INTS14: variants seen among roughly 807,000 people sequenced by gnomAD.
INTS14 encodes the protein UPF0464 protein C15orf44.
A neutral mutation model predicts 56.9 loss-of-function variants in INTS14; 27 were observed. That is an observed-to-expected ratio of 0.47 (90% CI 0.35 to 0.65). The LOEUF (loss-of-function observed/expected upper bound fraction) is 0.65, where lower values mean the gene tolerates loss of function less well. Ranked by LOEUF, INTS14 falls within the 30% of genes least tolerant of loss-of-function variation. The pLI is 0.00. For missense variants in INTS14, 517 were observed against 632.2 expected (o/e 0.82, Z 1.95); for synonymous variants, 207 against 236.2 (o/e 0.88, Z 1.13).
At chr15:65,590,379 T>C (rs1027983005) in intron 9 of INTS14, among the ~76,000 whole-genome samples, 1 of 152,238 alleles carries the variant, frequency 6.6e-6, no homozygotes, top group African/African-American at 2.4e-5. Flanking sequence ...ATTACTCCTC[T>C]TCAGTGGTTT....
Position 65,584,842 on chromosome 15 carries a change from G to T in INTS14, c.1167C>A (p.Phe389Leu). ...PYGEDDNKSP[F>L]PLQPKNKRSY... ...TGCGTTTGTTTTTGGGCTGCAGGGG[G>T]AATGGACTCTTATTGTCATCCTCGC... Residue 389 changes from phenylalanine (F) to leucine (L), a missense_variant, in exon 10 of 12, where the codon TTC (phenylalanine) becomes TTA (leucine). Coordinates refer to ENST00000313182, the MANE Select transcript of INTS14 (RefSeq NM_001394796.1). The T allele has an allele frequency of 1.2e-6, 2 of 1,613,396 alleles. No individual in the cohort carries two copies. Among genetic ancestry groups the T allele is most frequent in the Non-Finnish European group, 1.7e-6 (2 of 1,179,684 alleles).
At chr15:65,610,537 G>A (rs2073874775) in intron 1 of INTS14, 3 of 648,440 alleles carry the variant, frequency 4.6e-6, no homozygotes, top group Admixed American at 5.4e-5. Context: ...ATAGGCCCTA[G>A]CCACCTATTT....
rs966087434 is a variant in INTS14, at chr15:65,611,058, C to T, written c.-63+40G>A. The T allele has an allele frequency of 2.6e-6, 4 of 1,535,432 alleles. No individual in the cohort carries two copies. The African/African-American group carries it at 5.5e-5, about 21-fold the overall frequency. On this transcript the variant is annotated intron_variant, in intron 1 of 11. Transcript: ENST00000313182. ...CCCCTTCACCTGTAACCCCAACAAG[C>T]AGCGAAAGGCAGTCCCGGGCCCTCG...
rs192533427 is a variant in INTS14 at position 65,581,644 on chromosome 15, C to A, written c.1305+310G>T. On this transcript the variant is annotated intron_variant, in intron 11 of 11. Transcript: ENST00000313182. ...TGGTTGCCTGGGGTTGGCCTGGATA[C>A]CCATATAGGAGTGATGAGGAGAGTT... Among the ~76,000 whole-genome samples the A allele has an allele frequency of 5.5e-3, 825 of 151,188 alleles. 2 individuals are homozygous for A. Among genetic ancestry groups the A allele is most frequent in the Non-Finnish European group, 8.4e-3 (571 of 67,918 alleles).
chr15:65,599,120 T>C lies in INTS14; in HGVS notation c.487-130A>G, dbSNP rs555435984. 8.9e-5 allele frequency: 56 copies of C among 627,308 alleles called. 2 individuals carry two copies. The South Asian group carries it at 1.2e-3, about 13-fold the overall frequency. 38.9% of individuals were successfully genotyped at this position (627,308 alleles called of 1,614,324 possible). ...CAGATGATTTTTTTAATAGCCAATG[T>C]GAGAAGAAAATAACAACAACAATTT... On this transcript the variant is annotated intron_variant, in intron 4 of 11. Transcript: ENST00000313182.
Position 65,579,232 on chromosome 15 carries a change from C to A in INTS14, c.*176G>T. ...AGGAAGTTAAAGCCCAACCAGCCAA[C>A]CACCTTCACATCCTTCTCATACTAG... On this transcript the variant is annotated 3_prime_UTR_variant, in exon 12 of 12. Coordinates refer to ENST00000313182, the MANE Select transcript of INTS14 (RefSeq NM_001394796.1). The A allele has an allele frequency of 1.2e-6, 1 of 869,532 alleles. No homozygotes were observed. Among genetic ancestry groups the A allele is most frequent in the East Asian group, 2.7e-5 (1 of 36,488 alleles). 53.9% of individuals were successfully genotyped at this position (869,532 alleles called of 1,614,324 possible). A position where few individuals can be genotyped will look rare whatever the true frequency, so the allele number is the denominator to read the frequency against.
chr15:65,587,546 G>A (rs1596239834), intron 9 of INTS14, among the ~76,000 whole-genome samples: 1 of 152,172 alleles, frequency 6.6e-6, no homozygotes, highest in Non-Finnish European at 1.5e-5. Context: ...ACTGAATACT[G>A]ATTTAACCAA....
In INTS14 at chr15:65,579,276, C is replaced by T; in HGVS notation, c.*132G>A. On this transcript the variant is annotated 3_prime_UTR_variant, in exon 12 of 12. Transcript: ENST00000313182. Reference sequence around the variant, plus strand: ...ATACTAGTAGAGTCATTCAAAACAGCAAGTGGTGCTTCTGAGGCAGCCTCA... The same window carrying T: ...ATACTAGTAGAGTCATTCAAAACAGTAAGTGGTGCTTCTGAGGCAGCCTCA... 1 of 1,289,120 alleles carries T rather than the reference C, an allele frequency of 7.8e-7. No individual in the cohort carries two copies. The highest frequency in any genetic ancestry group is 1.1e-6 in the Non-Finnish European group (1 of 939,096). 79.9% of individuals were successfully genotyped at this position (1,289,120 alleles called of 1,614,324 possible). A position where few individuals can be genotyped will look rare whatever the true frequency, so the allele number is the denominator to read the frequency against.
At chr15:65,600,299 ACT>A (rs2073382042) in intron 3 of INTS14, among the ~76,000 whole-genome samples, 1 of 148,630 alleles carries the variant, frequency 6.7e-6, no homozygotes. Flanking sequence ...CAACAGAGAG[ACT>A]CTGTCTTTTT....
chr15:65,595,768 GA>G lies in INTS14; in HGVS notation c.805del (p.Ser269ProfsTer8). 6.2e-7 allele frequency: 1 copy of G among 1,610,534 alleles called. No homozygotes were observed. The highest frequency in any genetic ancestry group is 2.2e-5 in the East Asian group (1 of 44,666). On this transcript the variant is annotated frameshift_variant, in exon 7 of 12. Transcript: ENST00000313182. LOFTEE classifies it high-confidence loss of function. ...IADISSPPVL[S>X]RHLVLPIALN... is the part of the protein sequence containing the mutation. Reference sequence around the variant, plus strand: ...TGCTATAGGTAAGACCAGATGTCTGGACAGAACTGGGGGACTTGAAATATCA... The same window carrying G: ...TGCTATAGGTAAGACCAGATGTCTGGCAGAACTGGGGGACTTGAAATATCA...
Position 65,579,174 on chromosome 15 carries a change from A to G in INTS14, c.*234T>C. 1 of 515,576 alleles carries G rather than the reference A, an allele frequency of 1.9e-6. No homozygotes were observed. The highest frequency in any genetic ancestry group is 3.4e-6 in the Non-Finnish European group (1 of 295,282). The allele number at this position is 515,576 out of a possible 1,614,324, so 31.9% of individuals were successfully genotyped here. The stretch of plus-strand genomic sequence containing the variant: ...GAAATGTGCCCATCATGGGAACAGC[A>G]GCTATCTTCCAAGCTTAAAAATTAT... On this transcript the variant is annotated 3_prime_UTR_variant, in exon 12 of 12. Coordinates refer to ENST00000313182, the MANE Select transcript of INTS14 (RefSeq NM_001394796.1).
rs1326632529 is a variant in INTS14 at position 65,607,162 on chromosome 15, T to G, written c.219A>C (p.Leu73=). 6.2e-7 allele frequency: 1 copy of G among 1,614,060 alleles called. No homozygotes were observed. Among genetic ancestry groups the G allele is most frequent in the Non-Finnish European group, 8.5e-7 (1 of 1,179,906 alleles). ...AATAACTTACTACATTTTGTACCTGTAGGGTATTATAATCTCTCGTGAAGG... is the reference window on the plus strand; with the variant it reads ...AATAACTTACTACATTTTGTACCTGGAGGGTATTATAATCTCTCGTGAAGG... ...MVPFTRDYNT[L]QEALSNMDDY... is the part of the protein sequence containing the mutation. Residue 73 remains leucine, a synonymous_variant, in exon 2 of 12, where the codon CTA becomes CTC. Transcript: ENST00000313182.
chr15:65,607,421 G>C lies in INTS14; in HGVS notation c.-41C>G. 6.2e-7 allele frequency: 1 copy of C among 1,611,476 alleles called. No homozygotes were observed. The highest frequency in any genetic ancestry group is 8.5e-7 in the Non-Finnish European group (1 of 1,178,222). On this transcript the variant is annotated 5_prime_UTR_variant, in exon 2 of 12. Coordinates refer to ENST00000313182, the MANE Select transcript of INTS14 (RefSeq NM_001394796.1). ...AGTGTTCCCAATCAGAATGCAAACAGACAGCTATAAACGAAGAAATGCTGC... is the reference window on the plus strand; with the variant it reads ...AGTGTTCCCAATCAGAATGCAAACACACAGCTATAAACGAAGAAATGCTGC...
At chr15:65,610,940 C>T (rs1464019609) in intron 1 of INTS14, 158 bp downstream of exon 1, 4 of 1,464,986 alleles carry the variant, frequency 2.7e-6, no homozygotes, top group Non-Finnish European at 2.7e-6. Flanking sequence ...CCGGGAGCAG[C>T]GCCCCGGAAC....
Position 65,598,853 on chromosome 15 carries a change from G to A in INTS14, c.605+19C>T. The A allele has an allele frequency of 6.4e-7, 1 of 1,564,684 alleles. No homozygotes were observed. Among genetic ancestry groups the A allele is most frequent in the Non-Finnish European group, 8.8e-7 (1 of 1,139,906 alleles). On this transcript the variant is annotated intron_variant, in intron 5 of 11. Coordinates refer to ENST00000313182, the MANE Select transcript of INTS14 (RefSeq NM_001394796.1). ...ACTGGATTGTAAAGAAGGCAAAAGA[G>A]CTCTAAGCATATACTCACCCAAACA...
chr15:65,593,258 C>CA (rs879151301), intron 8 of INTS14, among the ~76,000 whole-genome samples, 170 bp downstream of exon 8: 4 of 144,614 alleles, frequency 2.8e-5, no homozygotes, highest in Non-Finnish European at 6.0e-5. Context: ...GACCTCGTCT[C>CA]AAAAAAAACA....
intron 9 of INTS14, among the ~76,000 whole-genome samples, chr15:65,591,305 G>A (rs1370585292): frequency 6.6e-6 from 1 of 152,110 alleles, no homozygotes; most frequent in Non-Finnish European, 1.5e-5. Context: ...GAAATTACTT[G>A]AACTATAGTA....
intron 3 of INTS14, among the ~76,000 whole-genome samples, chr15:65,603,509 C>A (rs1044416755): frequency 1.3e-5 from 2 of 152,144 alleles, no homozygotes; most frequent in Non-Finnish European, 2.9e-5. Context: ...CAGGGCCTCA[C>A]TATGTGGTCC....
chr15:65,581,919 T>C, intron 11 of INTS14, 35 bp downstream of exon 11: 2 of 1,602,438 alleles, frequency 1.2e-6, no homozygotes, highest in Non-Finnish European at 8.5e-7. Flanking sequence ...TCGTGAACCA[T>C]ATATTTTGGG....
Sources: allele counts gnomAD v4.1 joint callset (sites outside exome capture counted in the v4.1 genomes callset), GRCh38; gene constraint gnomAD v4.1.1; transcripts MANE v1.5; gene names NCBI Gene and HGNC (gene_info 2026-07-23, HGNC 2026-07-21).